The following PITPNC1 variants were observed in gnomAD, a reference collection of about 807,000 sequenced individuals.
The protein encoded by PITPNC1 is cytoplasmic phosphatidylinositol transfer protein 1.
A neutral mutation model predicts 44.7 loss-of-function variants in PITPNC1; 18 were observed. That is an observed-to-expected ratio of 0.40 (90% CI 0.28 to 0.60). The LOEUF is 0.60. Ranked by LOEUF, PITPNC1 falls within the 20% of genes least tolerant of loss-of-function variation. The pLI, the probability that PITPNC1 is intolerant of heterozygous loss-of-function variation, is 0.39. For missense variants in PITPNC1, 290 were observed against 418.4 expected (o/e 0.69, Z 2.68); for synonymous variants, 141 against 149.6 (o/e 0.94, Z 0.42).
chr17:67,621,945 T>C (rs1209896832), intron 5 of PITPNC1, among the ~76,000 whole-genome samples: 1 of 152,090 alleles, frequency 6.6e-6, no homozygotes, highest in Non-Finnish European at 1.5e-5. Flanking sequence ...AGCAAGACCC[T>C]GTATCTATTT....
intron 1 of PITPNC1, among the ~76,000 whole-genome samples, chr17:67,510,514 C>G (rs1305719727): frequency 6.6e-6 from 1 of 152,220 alleles, no homozygotes; most frequent in South Asian, 2.1e-4. Context: ...TCTAATGCCT[C>G]AAGCCCTTCA....
At chr17:67,595,802 T>C (rs2041452587) in intron 5 of PITPNC1, among the ~76,000 whole-genome samples, 1 of 152,266 alleles carries the variant, frequency 6.6e-6, no homozygotes, top group Admixed American at 6.5e-5. Flanking sequence ...TACATAAATT[T>C]GTTAAATATA....
chr17:67,691,400 A>C (rs191022164), intron 8 of PITPNC1, among the ~76,000 whole-genome samples: 1 of 152,348 alleles, frequency 6.6e-6, no homozygotes, highest in East Asian at 1.9e-4. Context: ...GATTATTAAC[A>C]GTGGTATCAC....
At chr17:67,618,423 TC>T (rs2041788883) in intron 5 of PITPNC1, among the ~76,000 whole-genome samples, 1 of 151,294 alleles carries the variant, frequency 6.6e-6, no homozygotes, top group South Asian at 2.1e-4. Flanking sequence ...GCCAGTTTCT[TC>T]CTTGTATTTG....
intron 4 of PITPNC1, among the ~76,000 whole-genome samples, chr17:67,562,669 C>G (rs971971127): frequency 6.6e-6 from 1 of 152,120 alleles, no homozygotes. Context: ...GTAACCCTCA[C>G]AAGGCAGAAG....
chr17:67,488,586 A>G (rs1282610183), intron 1 of PITPNC1, among the ~76,000 whole-genome samples: 1 of 152,250 alleles, frequency 6.6e-6, no homozygotes, highest in East Asian at 1.9e-4. Flanking sequence ...GAGATAAGAC[A>G]TGTAACAAAA....
chr17:67,613,668 A>T (rs2144297808), intron 5 of PITPNC1: 1 of 152,074 alleles, frequency 6.6e-6, no homozygotes, highest in Non-Finnish European at 1.5e-5. Flanking sequence ...AAAATACAAA[A>T]ATTAACCAGG....
chr17:67,528,273 C>T (rs550859563), intron 1 of PITPNC1, among the ~76,000 whole-genome samples: 1 of 152,188 alleles, frequency 6.6e-6, no homozygotes, highest in South Asian at 2.1e-4. Context: ...AACCCCTGAC[C>T]TCAGGTGATC....
intron 4 of PITPNC1, among the ~76,000 whole-genome samples, chr17:67,568,492 A>G (rs767864948): frequency 5.9e-5 from 9 of 152,138 alleles, no homozygotes; most frequent in Non-Finnish European, 1.3e-4. Flanking sequence ...GGTGAATTAT[A>G]TGGTATGTGA....
chr17:67,492,014 A>T lies in PITPNC1; in HGVS notation c.49-40788A>T, dbSNP rs573270003. ...TTCCTTTTTTTTTCTTTTTTTTTTA[A>T]AAAAAAAAAGATGTGCAAGATGCCT... On this transcript the variant is annotated intron_variant, in intron 1 of 8. Transcript: ENST00000581322. Among the ~76,000 whole-genome samples the T allele has an allele frequency of 1.4e-3, 169 of 119,704 alleles. 3 individuals are homozygous for T. The South Asian group carries it at 0.033, about 24-fold the overall frequency. 78.5% of individuals were successfully genotyped at this position (119,704 alleles called of 152,430 possible).
Position 67,640,544 on chromosome 17 carries a change from G to A in PITPNC1, c.462+8306G>A, listed in dbSNP as rs914622451. Among the ~76,000 whole-genome samples the A allele has an allele frequency of 4.0e-5, 6 of 151,858 alleles. No homozygotes were observed. The South Asian group carries it at 1.2e-3, about 32-fold the overall frequency. On this transcript the variant is annotated intron_variant, in intron 6 of 8. Coordinates refer to ENST00000581322, the MANE Select transcript of PITPNC1 (RefSeq NM_012417.4). The stretch of plus-strand genomic sequence containing the variant: ...AAAATACAAAAATTAGCCACGTATG[G>A]TGGCGGGCACCTGTAATCCCAGCTA...
chr17:67,519,319 G>A (rs931884115), intron 1 of PITPNC1, among the ~76,000 whole-genome samples: 3 of 151,868 alleles, frequency 2.0e-5, no homozygotes, highest in Admixed American at 6.6e-5. Context: ...TGGGACTACA[G>A]GCGTGCACCA....
intron 4 of PITPNC1, among the ~76,000 whole-genome samples, chr17:67,560,851 A>AT (rs1228340167): frequency 9.2e-5 from 14 of 152,192 alleles, no homozygotes; most frequent in Non-Finnish European, 5.9e-5. Flanking sequence ...AATTGTTTGC[A>AT]TTTTTTTAAC....
intron 1 of PITPNC1, among the ~76,000 whole-genome samples, chr17:67,449,483 A>T (rs2039146369): frequency 6.6e-6 from 1 of 152,212 alleles, no homozygotes; most frequent in Admixed American, 6.5e-5. Context: ...TAAGCATAAC[A>T]CTTTTCATTA....
At chr17:67,583,572 A>C (rs2041263993) in intron 5 of PITPNC1, among the ~76,000 whole-genome samples, 1 of 139,458 alleles carries the variant, frequency 7.2e-6, no homozygotes, top group Admixed American at 7.2e-5. Context: ...TGGGCAACAG[A>C]GCGAGACTCC....
At chr17:67,620,998 C>T (rs1425587652) in intron 5 of PITPNC1, among the ~76,000 whole-genome samples, 4 of 151,994 alleles carry the variant, frequency 2.6e-5, no homozygotes, top group Admixed American at 2.6e-4. Context: ...CCTGGCCTGG[C>T]GTCTCTGGAC....
intron 5 of PITPNC1, among the ~76,000 whole-genome samples, chr17:67,625,886 C>A (rs943697403): frequency 6.6e-6 from 1 of 152,064 alleles, no homozygotes; most frequent in East Asian, 1.9e-4. Context: ...GTCGAACTCT[C>A]TTTCCAGAAA....
rs141168025 is a variant in PITPNC1 at position 67,601,891 on chromosome 17, C to T, written c.366+23634C>T. Among the ~76,000 whole-genome samples the T allele has an allele frequency of 4.9e-3, 745 of 152,052 alleles. 5 individuals carry two copies. Among genetic ancestry groups the T allele is most frequent in the Middle Eastern group, 0.02 (6 of 294 alleles). On this transcript the variant is annotated intron_variant, in intron 5 of 8. Coordinates refer to ENST00000581322, the MANE Select transcript of PITPNC1 (RefSeq NM_012417.4). ...GAGGGGGAGAAGGGGCAGAGAGTGA[C>T]GAGCACACGCAGAAGGTCTCTAGTT...
chr17:67,623,095 G>A (rs945847348), intron 5 of PITPNC1, among the ~76,000 whole-genome samples: 8 of 123,588 alleles, frequency 6.5e-5, no homozygotes, highest in Non-Finnish European at 6.4e-5. Context: ...TTCCTCCAGC[G>A]AGCTCCCAAA....
Sources: allele counts gnomAD v4.1 joint callset (sites outside exome capture counted in the v4.1 genomes callset), GRCh38; gene constraint gnomAD v4.1.1; transcripts MANE v1.5; gene names NCBI Gene and HGNC (gene_info 2026-07-23, HGNC 2026-07-21).